The following DNAJC15 variants were observed in gnomAD, a reference collection of about 807,000 sequenced individuals.
DNAJC15 encodes DnaJ heat shock protein family (Hsp40) member C15, also known as dnaJ homolog subfamily C member 15.
A neutral mutation model predicts 22.4 loss-of-function variants in DNAJC15; 27 were observed. The observed-to-expected ratio is 1.20, with a 90% CI of 0.89 to 1.66. The LOEUF is 1.66. DNAJC15 is among the 40% of genes most tolerant of loss of function. The pLI is 0.00. For missense variants in DNAJC15, 208 were observed against 187.1 expected, an observed-to-expected ratio of 1.11 and a Z score of -0.65; for synonymous variants, 79 against 63.2, an observed-to-expected ratio of 1.25 and a Z score of -1.19.
chr13:43,103,290 T>A (rs1398000791), intron 5 of DNAJC15, among the ~76,000 whole-genome samples: 1 of 152,184 alleles, frequency 6.6e-6, no homozygotes, highest in Non-Finnish European at 1.5e-5. Flanking sequence ...TTTCTCTCAA[T>A]CTCTGGTGAA....
At chr13:43,026,173 T>C (rs963041470) in intron 1 of DNAJC15, among the ~76,000 whole-genome samples, 4 of 152,192 alleles carry the variant, frequency 2.6e-5, no homozygotes, top group Non-Finnish European at 5.9e-5. Flanking sequence ...AACAAAACAG[T>C]GGAATCTCCC....
chr13:43,030,943 CAG>C (rs1270727965), intron 1 of DNAJC15, among the ~76,000 whole-genome samples: 3 of 152,118 alleles, frequency 2.0e-5, no homozygotes, highest in African/African-American at 7.2e-5. Context: ...TTTGGGAAAT[CAG>C]AGAAAACTGT....
intron 1 of DNAJC15, among the ~76,000 whole-genome samples, chr13:43,043,415 G>A (rs528877396): frequency 6.6e-6 from 1 of 152,080 alleles, no homozygotes; most frequent in African/African-American, 2.4e-5. Context: ...GACCTCAAAA[G>A]CTTCTTATAT....
chr13:43,071,287 G>T, intron 3 of DNAJC15, among the ~76,000 whole-genome samples: 1 of 152,140 alleles, frequency 6.6e-6, no homozygotes. Context: ...TCTCAGAGGA[G>T]CCTTACTTAA....
intron 5 of DNAJC15, among the ~76,000 whole-genome samples, chr13:43,101,638 TTA>T (rs1302104966): frequency 2.0e-5 from 3 of 152,194 alleles, no homozygotes. Context: ...CCAAAGTCCA[TTA>T]TATCATTCTT....
At chr13:43,097,546 A>G (rs182137998) in intron 5 of DNAJC15, among the ~76,000 whole-genome samples, 6 of 152,198 alleles carry the variant, frequency 3.9e-5, no homozygotes, top group African/African-American at 1.4e-4. Context: ...GGGAGTCAAG[A>G]GTGGAAGCAA....
rs1460880686 is a variant in DNAJC15, at chr13:43,110,341, A to C, written c.*3093A>C. ...TGGGTCTGGAAACTGTCAGGGCATC[A>C]CTTGTGCCATATTCAGTTGGCCTAA... On this transcript the variant is annotated 3_prime_UTR_variant, in exon 6 of 6. Coordinates refer to ENST00000379221, the MANE Select transcript of DNAJC15 (RefSeq NM_013238.3). 6.6e-6 allele frequency: 1 copy of C among 152,238 alleles called. No individual in the cohort carries two copies. The highest frequency in any genetic ancestry group is 2.1e-4 in the South Asian group (1 of 4,828). The allele number at this position is 152,238 out of a possible 1,614,324, so 9.4% of individuals were successfully genotyped here.
rs555259958 is a variant in DNAJC15 at position 43,068,560 on chromosome 13, A to G, written c.161-370A>G. Among the ~76,000 whole-genome samples the G allele has an allele frequency of 5.9e-5, 9 of 152,252 alleles. No individual in the cohort carries two copies. The East Asian group carries it at 9.6e-4, about 16-fold the overall frequency. ...CAATACAATTAACCATTTTAGTATT[A>G]TAAGTATCTTTTATATGTAATAGGA... On this transcript the variant is annotated intron_variant, in intron 2 of 5. Coordinates refer to ENST00000379221, the MANE Select transcript of DNAJC15 (RefSeq NM_013238.3).
At chr13:43,065,397 T>C (rs536518882) in intron 1 of DNAJC15, among the ~76,000 whole-genome samples, 6 of 152,284 alleles carry the variant, frequency 3.9e-5, no homozygotes, top group Non-Finnish European at 8.8e-5. Flanking sequence ...TTAAAAATCG[T>C]CTATAGAAAA....
chr13:43,074,693 A>G (rs1425799860), intron 3 of DNAJC15, among the ~76,000 whole-genome samples: 1 of 152,226 alleles, frequency 6.6e-6, no homozygotes, highest in African/African-American at 2.4e-5. Flanking sequence ...TTCAAACATA[A>G]TAATGGATTA....
intron 5 of DNAJC15, among the ~76,000 whole-genome samples, chr13:43,099,132 T>C (rs984861873): frequency 6.6e-5 from 10 of 152,164 alleles, no homozygotes; most frequent in African/African-American, 1.9e-4. Flanking sequence ...TTTATTCCTA[T>C]TTTATTCTTT....
chr13:43,062,931 C>A (rs1327438795), intron 1 of DNAJC15, among the ~76,000 whole-genome samples: 1 of 152,046 alleles, frequency 6.6e-6, no homozygotes, highest in Non-Finnish European at 1.5e-5. Flanking sequence ...GTTGGCCAGG[C>A]TGGTCGCAAA....
chr13:43,054,227 A>G (rs1332477477), intron 1 of DNAJC15, among the ~76,000 whole-genome samples: 5 of 152,166 alleles, frequency 3.3e-5, no homozygotes, highest in Middle Eastern at 3.2e-3. Flanking sequence ...GTGTTAAACT[A>G]TCTCTGCATC....
chr13:43,087,130 C>T (rs1194186974), intron 5 of DNAJC15, among the ~76,000 whole-genome samples: 4 of 152,182 alleles, frequency 2.6e-5, no homozygotes, highest in Non-Finnish European at 5.9e-5. Context: ...AGGCTGTACC[C>T]TATGTTTCTG....
At chr13:43,070,187 A>G (rs2040602317) in intron 3 of DNAJC15, among the ~76,000 whole-genome samples, 1 of 152,216 alleles carries the variant, frequency 6.6e-6, no homozygotes, top group African/African-American at 2.4e-5. Context: ...GCACCAAAGG[A>G]TGACATACTG....
chr13:43,104,453 A>G (rs1420429825), intron 5 of DNAJC15, among the ~76,000 whole-genome samples: 3 of 152,054 alleles, frequency 2.0e-5, no homozygotes, highest in Non-Finnish European at 4.4e-5. Flanking sequence ...TGATGTGTTT[A>G]TATTTTATTT....
chr13:43,056,305 A>G (rs1361356748), intron 1 of DNAJC15, among the ~76,000 whole-genome samples: 3 of 151,844 alleles, frequency 2.0e-5, no homozygotes, highest in Non-Finnish European at 4.4e-5. Context: ...CGCCTGGCTA[A>G]TTTTGTATTT....
chr13:43,106,993 A>G (rs1397977062), intron 5 of DNAJC15, among the ~76,000 whole-genome samples, 185 bp from the exon 6 acceptor site: 1 of 151,860 alleles, frequency 6.6e-6, no homozygotes, highest in East Asian at 1.9e-4. Flanking sequence ...ATTGTTGGGT[A>G]GTTGTAGGAC....
At chr13:43,057,305 A>C (rs555580559) in intron 1 of DNAJC15, among the ~76,000 whole-genome samples, 29 of 151,884 alleles carry the variant, frequency 1.9e-4, no homozygotes, top group Non-Finnish European at 3.4e-4. Flanking sequence ...CCTTTTTTTA[A>C]ATTCTTTTTT....
Sources: gnomAD v4.1 joint callset for allele counts (sites outside exome capture counted in the v4.1 genomes callset) on GRCh38, gnomAD v4.1.1 for gene constraint, MANE v1.5 for transcripts, NCBI Gene and HGNC (gene_info 2026-07-23, HGNC 2026-07-21) for gene names.